Variants in MEF2A observed in about 807,000 individuals in gnomAD.
The protein encoded by MEF2A is myocyte enhancer factor 2A.
A neutral mutation model predicts 55.8 loss-of-function variants in MEF2A; 28 were observed. The ratio of observed to expected loss-of-function variants is 0.50; its 90% CI spans 0.37 to 0.69. The LOEUF is 0.69. Among genes scored for constraint, MEF2A ranks in the 30% least tolerant of loss-of-function variants. The pLI is 0.00. For synonymous variants in MEF2A, 239 were observed against 227.1 expected (o/e 1.05, Z -0.47); for missense variants, 528 against 626.2 (o/e 0.84, Z 1.67).
At chr15:99,639,721 C>G (rs2044546625) in intron 3 of MEF2A, among the ~76,000 whole-genome samples, 1 of 152,110 alleles carries the variant, frequency 6.6e-6, no homozygotes. Context: ...ATATACTTTG[C>G]CTTTCCTTCT....
intron 7 of MEF2A, among the ~76,000 whole-genome samples, chr15:99,683,656 G>C (rs1452324642): frequency 2.0e-5 from 3 of 150,332 alleles, no homozygotes; most frequent in Non-Finnish European, 4.4e-5. Context: ...TACCCATCTC[G>C]GCCTCCCAAA....
intron 7 of MEF2A, among the ~76,000 whole-genome samples, chr15:99,679,596 A>C (rs2052817448): frequency 6.6e-6 from 1 of 152,224 alleles, no homozygotes; most frequent in Non-Finnish European, 1.5e-5. Context: ...AATAGTGGTT[A>C]CTTTGGGTAG....
chr15:99,696,517 A>C lies in MEF2A; in HGVS notation c.858+6089A>C, dbSNP rs140888189. ...TTTTAACCCAAGGACCAGAGAAGAA[A>C]TCTCAAAGGAAATTTAAAAATACAT... On this transcript the variant is annotated intron_variant, in intron 8 of 11. Transcript: ENST00000557942. 3.6e-3 allele frequency among the ~76,000 whole-genome samples: 553 copies of C among 152,292 alleles called. 2 individuals carry two copies. Among genetic ancestry groups the C allele is most frequent in the African/African-American group, 0.013 (521 of 41,554 alleles).
intron 8 of MEF2A, among the ~76,000 whole-genome samples, chr15:99,691,491 A>G (rs2055447185): frequency 6.6e-6 from 1 of 152,086 alleles, no homozygotes; most frequent in Non-Finnish European, 1.5e-5. Flanking sequence ...TGAGGTCAGG[A>G]GTTCAAGACC....
At chr15:99,585,624 G>A (rs1224045230) in intron 1 of MEF2A, among the ~76,000 whole-genome samples, 3 of 152,162 alleles carry the variant, frequency 2.0e-5, no homozygotes, top group African/African-American at 7.2e-5. Context: ...GAAATTAGTC[G>A]TGTGTACCAC....
In MEF2A at chr15:99,615,542, TTTA is replaced by T. The variant is rs2153224909; in HGVS notation, c.-143+17038_-143+17040del. ...TCTTAATCTTTACAAGTTTATGAGC[TTTA>T]TTATTAGTCCAGTATTTTAAAGATT... On this transcript the variant is annotated intron_variant, in intron 2 of 11. Coordinates refer to ENST00000557942, the MANE Select transcript of MEF2A (RefSeq NM_001319206.4). Among the ~76,000 whole-genome samples the T allele has an allele frequency of 2.0e-5, 3 of 152,298 alleles. No homozygotes were observed. In the South Asian group the frequency reaches 6.2e-4, roughly 32 times the overall value.
At position 99,712,858 on chromosome 15, in the gene MEF2A, T is replaced by C; in HGVS notation, c.*87T>C. The C allele has an allele frequency of 1.5e-6, 2 of 1,343,572 alleles. No individual in the cohort carries two copies. The highest frequency in any genetic ancestry group is 2.0e-6 in the Non-Finnish European group (2 of 985,572). The allele number at this position is 1,343,572 out of a possible 1,614,324, so 83.2% of individuals were successfully genotyped here. ...TCGGTAAATAAGGACATGAGTTAAA[T>C]ATATTTATATGTACATACATATATA... On this transcript the variant is annotated 3_prime_UTR_variant, in exon 12 of 12. Transcript: ENST00000557942. The surrounding 1 kb of genome is among the most constrained non-coding windows in gnomAD (Gnocchi z 4.1).
At chr15:99,619,385 C>G (rs1436040836) in intron 2 of MEF2A, among the ~76,000 whole-genome samples, 1 of 152,178 alleles carries the variant, frequency 6.6e-6, no homozygotes, top group Non-Finnish European at 1.5e-5. Flanking sequence ...GTTGTCTTGG[C>G]TCCAGTATTT....
At chr15:99,663,079 AT>A (rs923905194) in intron 4 of MEF2A, among the ~76,000 whole-genome samples, 2 of 149,942 alleles carry the variant, frequency 1.3e-5, no homozygotes, top group Admixed American at 6.6e-5. Context: ...GCGTATGTTA[AT>A]TTTTTTTTTC....
intron 3 of MEF2A, among the ~76,000 whole-genome samples, chr15:99,634,253 G>A (rs1835361266): frequency 6.6e-6 from 1 of 152,090 alleles, no homozygotes; most frequent in South Asian, 2.1e-4. Context: ...GAGAGATGAG[G>A]GTTGCCCATA....
Position 99,710,635 on chromosome 15 carries a change from T to C in MEF2A, c.1011T>C (p.Asp337=). The change falls in exon 11 of 12, where the codon GAT becomes GAC. Residue 337 remains aspartate (D), a splice_region_variant and synonymous_variant. Transcript: ENST00000557942. ...GAGCCCTCTTGTCTTCCTTTGTAGATTATTCACTGACCAGCGCTGACCTGT... is the reference window on the plus strand; with the variant it reads ...GAGCCCTCTTGTCTTCCTTTGTAGACTATTCACTGACCAGCGCTGACCTGT... The part of the protein sequence containing the change: ...YSAMPTAYNT[D]YSLTSADLSA... 6 of 1,609,548 alleles carry C rather than the reference T, an allele frequency of 3.7e-6. No individual in the cohort carries two copies. Among genetic ancestry groups the C allele is most frequent in the Non-Finnish European group, 4.3e-6 (5 of 1,176,128 alleles).
chr15:99,688,523 C>T (rs1327666572), intron 7 of MEF2A, among the ~76,000 whole-genome samples: 2 of 152,078 alleles, frequency 1.3e-5, no homozygotes, highest in Admixed American at 6.6e-5. Context: ...TTTGGGAGGC[C>T]GAGGCGGGCA....
rs555753264 is a variant in MEF2A, at chr15:99,698,661, G to A, written c.859-4701G>A. On this transcript the variant is annotated intron_variant, in intron 8 of 11. Transcript: ENST00000557942. ...TACAAAATTAGCCAGGGGTGGTGGC[G>A]CATGCCTGTAATCCCAGCTACTCAG... Among the ~76,000 whole-genome samples, 5 of 151,898 alleles carry A rather than the reference G, an allele frequency of 3.3e-5. No individual in the cohort carries two copies. The South Asian group carries it at 1.0e-3, about 32-fold the overall frequency.
chr15:99,695,276 A>G (rs1201343253), intron 8 of MEF2A, among the ~76,000 whole-genome samples: 1 of 152,200 alleles, frequency 6.6e-6, no homozygotes, highest in Non-Finnish European at 1.5e-5. Flanking sequence ...GACTCTACAC[A>G]TGATGTAAAT....
At chr15:99,704,736 C>A (rs909337993) in intron 9 of MEF2A, among the ~76,000 whole-genome samples, 5 of 152,198 alleles carry the variant, frequency 3.3e-5, no homozygotes, top group African/African-American at 1.2e-4. Context: ...ATACTGTATT[C>A]TTTCACCTAG....
chr15:99,599,781 A>G (rs1448853007), intron 2 of MEF2A, among the ~76,000 whole-genome samples: 4 of 152,116 alleles, frequency 2.6e-5, no homozygotes, highest in South Asian at 2.1e-4. Context: ...TCATCATTAC[A>G]GTTGGCCCTC....
intron 2 of MEF2A, among the ~76,000 whole-genome samples, chr15:99,630,993 T>G (rs1481159225): frequency 6.6e-6 from 1 of 152,214 alleles, no homozygotes; most frequent in African/African-American, 2.4e-5. Flanking sequence ...TGGTCTCACC[T>G]ATTTCTTCCA....
intron 4 of MEF2A, among the ~76,000 whole-genome samples, chr15:99,653,820 A>G (rs2153529042): frequency 6.6e-6 from 1 of 152,280 alleles, no homozygotes; most frequent in South Asian, 2.1e-4. Context: ...CTCAGTGGAG[A>G]ATATTTTTCT....
At position 99,567,881 on chromosome 15, in the gene MEF2A, A is replaced by G. The variant is rs546101144; in HGVS notation, c.-225+1777A>G. The stretch of plus-strand genomic sequence containing the variant: ...ACCTTTATTTTAATTCTCAGTGAGC[A>G]TTGTTGCAAAAAGTTGTGATAATGG... On this transcript the variant is annotated intron_variant, in intron 1 of 11. Transcript: ENST00000557942. Among the ~76,000 whole-genome samples, 35 of 152,300 alleles carry G rather than the reference A, an allele frequency of 2.3e-4. 1 individual carries two copies. The Middle Eastern group carries it at 0.01, about 44-fold the overall frequency.
Sources: gnomAD v4.1 joint callset for allele counts (sites outside exome capture counted in the v4.1 genomes callset) on GRCh38, gnomAD v4.1.1 for gene constraint, Gnocchi (gnomAD v3.1) non-coding constraint, MANE v1.5 for transcripts, NCBI Gene and HGNC (gene_info 2026-07-23, HGNC 2026-07-21) for gene names.